Variants in ADAMTS15 observed in about 807,000 individuals in gnomAD.
The protein encoded by ADAMTS15 is A disintegrin and metalloproteinase with thrombospondin motifs 15.
ADAMTS15 carries 35 observed loss-of-function variants against 79.1 expected under a neutral mutation model. The observed-to-expected ratio is 0.44, with a 90% CI of 0.34 to 0.59. The LOEUF is 0.59. ADAMTS15 is among the 20% of genes least tolerant of loss of function. The probability of loss-of-function intolerance (pLI) is 0.02; values close to 1 mark genes in which losing one functional copy is unlikely to be tolerated. For synonymous variants in ADAMTS15, 616 were observed against 567.3 expected (o/e 1.09, Z -1.22); for missense variants, 1,324 against 1,318.7 (o/e 1.00, Z -0.06).
intron 4 of ADAMTS15, among the ~76,000 whole-genome samples, chr11:130,466,430 T>A (rs1168090234): frequency 1.3e-5 from 2 of 152,210 alleles, no homozygotes; most frequent in African/African-American, 4.8e-5. Context: ...GAGCTCCTGG[T>A]CATCTCCCCT....
At position 130,470,172 on chromosome 11, in the gene ADAMTS15, A is replaced by ACATG. The variant is rs1565397754; in HGVS notation, c.1720+733_1720+734insCATG. ...TATATGTGTATATATATATATATAT[A>ACATG]TATATATATGTGTGTATATATATAT... is the stretch of plus-strand genomic sequence containing the variant. On this transcript the variant is annotated intron_variant, in intron 5 of 7. Transcript: ENST00000299164. 2.9e-3 allele frequency among the ~76,000 whole-genome samples: 167 copies of ACATG among 58,420 alleles called. 4 individuals are homozygous for ACATG. Among genetic ancestry groups the ACATG allele is most frequent in the Middle Eastern group, 6.6e-3 (1 of 152 alleles). The allele number at this position is 58,420 out of a possible 152,430, so 38.3% of individuals were successfully genotyped here. A position where few individuals can be genotyped will look rare whatever the true frequency, so the allele number is the denominator to read the frequency against.
rs1435065525 is a variant in ADAMTS15 at position 130,470,166 on chromosome 11, A to ACATG, written c.1720+727_1720+728insCATG. 2.6e-4 allele frequency among the ~76,000 whole-genome samples: 15 copies of ACATG among 57,580 alleles called. 1 individual carries two copies. Among genetic ancestry groups the ACATG allele is most frequent in the Admixed American group, 1.1e-3 (7 of 6,322 alleles). The allele number at this position is 57,580 out of a possible 152,430, so 37.8% of individuals were successfully genotyped here. A position where few individuals can be genotyped will look rare whatever the true frequency, so the allele number is the denominator to read the frequency against. Reference sequence around the variant, plus strand: ...TATATATATATGTGTATATATATATATATATATATATATATGTGTGTATAT... The same window carrying ACATG: ...TATATATATATGTGTATATATATATACATGTATATATATATATATGTGTGTATAT... On this transcript the variant is annotated intron_variant, in intron 5 of 7. Transcript: ENST00000299164.
intron 4 of ADAMTS15, among the ~76,000 whole-genome samples, chr11:130,464,887 A>G (rs1406759460): frequency 3.3e-5 from 5 of 151,946 alleles, no homozygotes; most frequent in Non-Finnish European, 7.4e-5. Context: ...GGATGGCTTG[A>G]ACACGGGAGG....
At chr11:130,456,702 T>G (rs1266149551) in intron 1 of ADAMTS15, among the ~76,000 whole-genome samples, 4 of 152,204 alleles carry the variant, frequency 2.6e-5, no homozygotes, top group Non-Finnish European at 5.9e-5. Context: ...AACATAGCTT[T>G]GGATTGGGGA....
intron 1 of ADAMTS15, 27 bp from the exon 2 acceptor site, chr11:130,461,461 TG>T: frequency 2.5e-6 from 4 of 1,613,888 alleles, no homozygotes; most frequent in Non-Finnish European, 3.4e-6. Flanking sequence ...AACTTCGGGC[TG>T]GCTTCTGCTT....
intron 4 of ADAMTS15, among the ~76,000 whole-genome samples, chr11:130,463,302 C>T (rs1001573570): frequency 2.6e-5 from 4 of 152,210 alleles, no homozygotes; most frequent in Admixed American, 6.5e-5. Flanking sequence ...ATTTCTGTTG[C>T]GATTGCTGTT....
chr11:130,451,585 A>AT, intron 1 of ADAMTS15, among the ~76,000 whole-genome samples: 1 of 152,206 alleles, frequency 6.6e-6, no homozygotes, highest in African/African-American at 2.4e-5. Context: ...CTTGAAAAAA[A>AT]GCAAAGGCCA....
intron 4 of ADAMTS15, among the ~76,000 whole-genome samples, chr11:130,465,036 ATAATGCTG>A (rs1358331383): frequency 6.6e-6 from 1 of 151,952 alleles, no homozygotes; most frequent in Non-Finnish European, 1.5e-5. Flanking sequence ...AGGTGGGCCC[ATAATGCTG>A]TCCAGGAGTC....
At chr11:130,465,615 A>G (rs1938284016) in intron 4 of ADAMTS15, among the ~76,000 whole-genome samples, 1 of 152,062 alleles carries the variant, frequency 6.6e-6, no homozygotes, top group Admixed American at 6.6e-5. Flanking sequence ...ACAGGCTTTG[A>G]CTGACATCAT....
chr11:130,468,939 CA>C (rs911391031), intron 4 of ADAMTS15, among the ~76,000 whole-genome samples: 666 of 27,822 alleles, frequency 0.024, no homozygotes, highest in African/African-American at 0.055. Flanking sequence ...TCCACCTCAA[CA>C]AAAAAAAAAA....
chr11:130,457,852 G>C (rs531244190), intron 1 of ADAMTS15, among the ~76,000 whole-genome samples: 1 of 152,156 alleles, frequency 6.6e-6, no homozygotes, highest in Non-Finnish European at 1.5e-5. Flanking sequence ...CCGGGGTGGG[G>C]AGGAGGACAG....
chr11:130,473,410 C>G lies in ADAMTS15; in HGVS notation c.2442C>G (p.Asp814Glu), dbSNP rs1317120172. 1 of 1,612,808 alleles carries G rather than the reference C, an allele frequency of 6.2e-7. No individual in the cohort carries two copies. ...PREDKSSHPK[D>E]PRGPSVLHNS... ...AGGACAAGTCCTCTCATCCCAAGGA[C>G]CCCCGGGGACCCTCTGTCTTGCACA... Residue 814 changes from aspartate to glutamate, a missense_variant, in exon 8 of 8, where the codon GAC becomes GAG. Physicochemically the swap from Asp to Glu is conservative, Grantham distance 45. Transcript: ENST00000299164.
chr11:130,460,540 G>A (rs1019711568), intron 1 of ADAMTS15, among the ~76,000 whole-genome samples: 3 of 152,148 alleles, frequency 2.0e-5, no homozygotes, highest in Admixed American at 1.3e-4. Context: ...GCCTCCCAAA[G>A]TGCTGGAATT....
chr11:130,465,188 C>T (rs1481035591), intron 4 of ADAMTS15, among the ~76,000 whole-genome samples: 1 of 152,086 alleles, frequency 6.6e-6, no homozygotes, highest in Non-Finnish European at 1.5e-5. Context: ...CCTTTCTTCT[C>T]ATTTCCCGAC....
Position 130,469,407 on chromosome 11 carries a change from G to A in ADAMTS15, c.1688G>A (p.Arg563Gln), listed in dbSNP as rs200435814. The A allele has an allele frequency of 1.5e-5, 20 of 1,349,010 alleles. No homozygotes were observed. Among genetic ancestry groups the A allele is most frequent in the Non-Finnish European group, 1.6e-5 (17 of 1,041,328 alleles). The allele number at this position is 1,349,010 out of a possible 1,614,324, so 83.6% of individuals were successfully genotyped here. The change falls in exon 5 of 8, where the codon CGA becomes CAA. Residue 563 changes from arginine (R) to glutamine (Q), a missense_variant. Transcript: ENST00000299164. ...KYCEGVRVKY[R>Q]SCNLEPCPSS... ...TGCGAGGGAGTGAGGGTGAAATACC[G>A]ATCCTGCAATCTGGAGCCCTGCCCC...
At chr11:130,461,441 C>T (rs1225704009) in intron 1 of ADAMTS15, 48 bp from the exon 2 acceptor site, 7 of 1,612,876 alleles carry the variant, frequency 4.3e-6, no homozygotes, top group Non-Finnish European at 5.1e-6. Flanking sequence ...TCCCTTCTGT[C>T]ACTGTCTCTA....
In ADAMTS15 at chr11:130,449,739, C is replaced by G. The variant is rs765637086; in HGVS notation, c.766C>G (p.Pro256Ala). 1.4e-5 allele frequency: 22 copies of G among 1,612,694 alleles called. No homozygotes were observed. Among genetic ancestry groups the G allele is most frequent in the Admixed American group, 1.7e-5 (1 of 59,970 alleles). The change falls in exon 1 of 8, where the codon CCC becomes GCC. Residue 256 changes from proline to alanine, a missense_variant. Transcript: ENST00000299164. The surrounding 1 kb of genome is among the most constrained non-coding windows in gnomAD (Gnocchi z 7.8). ...LATAARLYRH[P>A]SILNPINIVV... The stretch of plus-strand genomic sequence containing the variant: ...AACGGCGGCGCGACTCTACCGCCAT[C>G]CCAGCATCCTCAACCCCATCAACAT...
At chr11:130,470,154 G>GTATATATA (rs869166777) in intron 5 of ADAMTS15, among the ~76,000 whole-genome samples, 15 of 55,556 alleles carry the variant, frequency 2.7e-4, no homozygotes, top group South Asian at 1.9e-3. Context: ...ATATATATGT[G>GTATATATA]TATATATATA....
At chr11:130,454,132 GT>G (rs924311357) in intron 1 of ADAMTS15, among the ~76,000 whole-genome samples, 3 of 152,048 alleles carry the variant, frequency 2.0e-5, no homozygotes, top group Non-Finnish European at 2.9e-5. Context: ...TTGTTTGTTT[GT>G]TTTTTTCCTG....
Sources: gnomAD v4.1 joint callset for allele counts (sites outside exome capture counted in the v4.1 genomes callset) on GRCh38, gnomAD v4.1.1 for gene constraint, Gnocchi (gnomAD v3.1) non-coding constraint, MANE v1.5 for transcripts, NCBI Gene and HGNC (gene_info 2026-07-23, HGNC 2026-07-21) for gene names.